SLC9A4: variants seen among roughly 807,000 people sequenced by gnomAD.
The protein encoded by SLC9A4 is solute carrier family 9 member A4.
SLC9A4 carries 63 observed loss-of-function variants against 67.4 expected under a neutral mutation model. That is an observed-to-expected ratio of 0.93 (90% CI 0.76 to 1.15). The LOEUF (loss-of-function observed/expected upper bound fraction) is 1.15. Ranked by LOEUF, SLC9A4 falls within the 50% of genes most tolerant of loss-of-function variation. The pLI is 0.00. For missense variants in SLC9A4, 1,089 were observed against 987.7 expected (o/e 1.10, Z -1.38); for synonymous variants, 393 against 367.2 (o/e 1.07, Z -0.80).
intron 11 of SLC9A4, among the ~76,000 whole-genome samples, chr2:102,531,990 A>G (rs1481786004): frequency 6.6e-6 from 1 of 152,248 alleles, no homozygotes; most frequent in African/African-American, 2.4e-5. Context: ...TTGGCTTTGG[A>G]CAAGACCAAG....
intron 2 of SLC9A4, among the ~76,000 whole-genome samples, chr2:102,486,213 T>C (rs1050957579): frequency 9.2e-5 from 14 of 152,328 alleles, no homozygotes; most frequent in African/African-American, 3.4e-4. Context: ...TGACTTCAGG[T>C]GAATCACTTA....
At chr2:102,505,078 G>A (rs1021717124) in intron 3 of SLC9A4, among the ~76,000 whole-genome samples, 176 bp from the exon 4 acceptor site, 1 of 108,764 alleles carries the variant, frequency 9.2e-6, no homozygotes, top group African/African-American at 4.4e-5. Flanking sequence ...ATCTCTTAGG[G>A]AGGGAAAAGA....
intron 4 of SLC9A4, 115 bp from the exon 5 acceptor site, chr2:102,507,964 T>C: frequency 1.1e-6 from 1 of 920,866 alleles, no homozygotes; most frequent in South Asian, 1.5e-5. Context: ...CATGGGTGTA[T>C]GATGGAATTA....
intron 2 of SLC9A4, among the ~76,000 whole-genome samples, chr2:102,502,376 G>A (rs1684959835): frequency 1.3e-5 from 2 of 152,250 alleles, no homozygotes; most frequent in East Asian, 1.9e-4. Flanking sequence ...TGGGGGATTC[G>A]ATGAAATGAT....
Position 102,503,724 on chromosome 2 carries a change from G to T in SLC9A4, c.980+17G>T, listed in dbSNP as rs371706813. 4.1e-4 allele frequency: 662 copies of T among 1,611,160 alleles called. 2 individuals are homozygous for T. The highest frequency in any genetic ancestry group is 5.1e-4 in the Non-Finnish European group (606 of 1,178,080). On this transcript the variant is annotated intron_variant, in intron 3 of 11. Coordinates refer to ENST00000295269, the MANE Select transcript of SLC9A4 (RefSeq NM_001011552.4). Reference sequence around the variant, plus strand: ...CATCCTGGCGTGAGTACAAACCAAGGATCAAGTCACATAGTAATAGAAAGA... The same window carrying T: ...CATCCTGGCGTGAGTACAAACCAAGTATCAAGTCACATAGTAATAGAAAGA...
At chr2:102,495,369 T>C (rs1684786140) in intron 2 of SLC9A4, among the ~76,000 whole-genome samples, 1 of 152,090 alleles carries the variant, frequency 6.6e-6, no homozygotes, top group South Asian at 2.1e-4. Context: ...CTGGCAGGAA[T>C]TAGAAGACCT....
intron 2 of SLC9A4, among the ~76,000 whole-genome samples, chr2:102,484,592 C>T (rs116118101): frequency 3.2e-3 from 483 of 152,286 alleles, no homozygotes; most frequent in Non-Finnish European, 5.0e-3. Context: ...GTTTAGTGGT[C>T]GGCTCATTCT....
Position 102,505,258 on chromosome 2 carries a change from A to G in SLC9A4, c.985A>G (p.Thr329Ala), listed in dbSNP as rs1200364832. Reference sequence around the variant, plus strand: ...GAGACTCTGCTCCTTTTATAGAATCACAGCCTGCGCAGTAACAATGAAAAA... The same window carrying G: ...GAGACTCTGCTCCTTTTATAGAATCGCAGCCTGCGCAGTAACAATGAAAAA... ...TLYLSGILAI[T>A]ACAVTMKKYV... The change falls in exon 4 of 12, where the codon ACA becomes GCA. Residue 329 changes from threonine to alanine, a missense_variant. Transcript: ENST00000295269. 5.6e-6 allele frequency: 9 copies of G among 1,613,672 alleles called. No homozygotes were observed. The highest frequency in any genetic ancestry group is 5.9e-6 in the Non-Finnish European group (7 of 1,179,872).
chr2:102,498,746 T>C (rs7573566), intron 2 of SLC9A4, among the ~76,000 whole-genome samples: 107,765 of 152,104 alleles, frequency 0.71, 38,910 homozygotes, highest in Middle Eastern at 0.77. Flanking sequence ...CAAAATCATA[T>C]GTCACATTTT....
chr2:102,478,993 C>G lies in SLC9A4; in HGVS notation c.411C>G (p.Pro137=), dbSNP rs372447447. ...SSIYFLYLLP[P]IVLEGGYFMP... Reference sequence around the variant, plus strand: ...TCTACTTCCTGTATCTCCTGCCACCCATCGTTCTGGAGGGCGGCTACTTCA... The same window carrying G: ...TCTACTTCCTGTATCTCCTGCCACCGATCGTTCTGGAGGGCGGCTACTTCA... Residue 137 remains proline, a synonymous_variant, in exon 2 of 12, where the codon CCC becomes CCG. Coordinates refer to ENST00000295269, the MANE Select transcript of SLC9A4 (RefSeq NM_001011552.4). The G allele has an allele frequency of 6.2e-6, 10 of 1,614,100 alleles. No homozygotes were observed. The African/African-American group carries it at 1.3e-4, about 22-fold the overall frequency.
chr2:102,507,153 C>T (rs1295024380), intron 4 of SLC9A4, among the ~76,000 whole-genome samples: 12 of 152,276 alleles, frequency 7.9e-5, no homozygotes, highest in Middle Eastern at 3.4e-3. Context: ...TTAAGAACCT[C>T]GCTCAAGGTC....
intron 8 of SLC9A4, among the ~76,000 whole-genome samples, chr2:102,515,029 T>C (rs1685247720): frequency 6.6e-6 from 1 of 152,144 alleles, no homozygotes; most frequent in Non-Finnish European, 1.5e-5. Flanking sequence ...GAGAGCCCCT[T>C]CAATGTCAAA....
At chr2:102,486,334 C>A (rs1348486941) in intron 2 of SLC9A4, among the ~76,000 whole-genome samples, 1 of 152,104 alleles carries the variant, frequency 6.6e-6, no homozygotes, top group Non-Finnish European at 1.5e-5. Flanking sequence ...ACAGAGTGAG[C>A]CCCTGTGTTT....
chr2:102,522,796 T>C (rs1047433652), intron 9 of SLC9A4, among the ~76,000 whole-genome samples: 3 of 152,238 alleles, frequency 2.0e-5, no homozygotes, highest in African/African-American at 4.8e-5. Context: ...TTACTAATGA[T>C]AGACAAGAAT....
chr2:102,530,262 T>C (rs1200655754), intron 11 of SLC9A4, among the ~76,000 whole-genome samples: 6 of 152,140 alleles, frequency 3.9e-5, no homozygotes, highest in Admixed American at 6.5e-5. Flanking sequence ...TCTCCTTTCA[T>C]GCCAGGGTGC....
chr2:102,505,195 G>C, intron 3 of SLC9A4, 59 bp from the exon 4 acceptor site: 2 of 1,519,936 alleles, frequency 1.3e-6, no homozygotes, highest in Non-Finnish European at 1.8e-6. Context: ...TGTGGGGAGG[G>C]CGTTTTGTGG....
intron 2 of SLC9A4, among the ~76,000 whole-genome samples, chr2:102,485,965 C>T (rs530143954): frequency 2.0e-5 from 3 of 152,208 alleles, no homozygotes; most frequent in East Asian, 1.9e-4. Flanking sequence ...TTGTCATGCA[C>T]GTGTCCTGCA....
intron 2 of SLC9A4, among the ~76,000 whole-genome samples, chr2:102,499,336 TG>T (rs34839365): frequency 0.061 from 9,309 of 152,280 alleles, 892 homozygotes; most frequent in African/African-American, 0.2. Context: ...AATACATATC[TG>T]TAGTAGTTTT....
rs909623579 is a variant in SLC9A4 at position 102,514,322 on chromosome 2, A to G, written c.1721+71A>G. 20 of 1,056,532 alleles carry G rather than the reference A, an allele frequency of 1.9e-5. No individual in the cohort carries two copies. The African/African-American group carries it at 2.8e-4, about 15-fold the overall frequency. 65.4% of individuals were successfully genotyped at this position (1,056,532 alleles called of 1,614,324 possible). A position where few individuals can be genotyped will look rare whatever the true frequency, so the allele number is the denominator to read the frequency against. On this transcript the variant is annotated intron_variant, in intron 8 of 11. Coordinates refer to ENST00000295269, the MANE Select transcript of SLC9A4 (RefSeq NM_001011552.4). ...CCAAGGGGCGCTGACTCATTGCCTC[A>G]TTTAAAGGTATACGAGGAGTAAAGA...
Sources: gnomAD v4.1 joint callset for allele counts (sites outside exome capture counted in the v4.1 genomes callset) on GRCh38, gnomAD v4.1.1 for gene constraint, MANE v1.5 for transcripts, NCBI Gene and HGNC (gene_info 2026-07-23, HGNC 2026-07-21) for gene names.